The following FANCA variants were observed in gnomAD, a reference collection of about 807,000 sequenced individuals.
FANCA encodes Fanconi anemia group A protein.
A neutral mutation model predicts 194.3 loss-of-function variants in FANCA; 236 were observed. The observed-to-expected ratio is 1.21, with a 90% CI of 1.09 to 1.35. FANCA has a LOEUF of 1.35. FANCA is among the 40% of genes most tolerant of loss of function. The pLI, the probability that FANCA is intolerant of heterozygous loss-of-function variation, is 0.00. For synonymous variants in FANCA, 1,014 were observed against 715.8 expected (o/e 1.42, Z -6.65); for missense variants, 2,628 against 1,813.9 (o/e 1.45, Z -8.15).
At position 89,788,112 on chromosome 16, in the gene FANCA, A is replaced by G. The variant is rs114499269; in HGVS notation, c.1360-3148T>C. ...GGTCTTGAACTACTGGGCTCAAGCA[A>G]TCGGCCCACCTCGTCCTCCCACAGT... On this transcript the variant is annotated intron_variant, in intron 14 of 42. Coordinates refer to ENST00000389301, the MANE Select transcript of FANCA (RefSeq NM_000135.4). 6.8e-3 allele frequency among the ~76,000 whole-genome samples: 1,041 copies of G among 152,172 alleles called. 12 individuals carry two copies. Among genetic ancestry groups the G allele is most frequent in the African/African-American group, 0.024 (999 of 41,524 alleles).
chr16:89,788,692 C>G (rs62052711), intron 14 of FANCA, among the ~76,000 whole-genome samples: 1 of 151,950 alleles, frequency 6.6e-6, no homozygotes, highest in African/African-American at 2.4e-5. Flanking sequence ...CCCAGTTACT[C>G]TGGAAGCGGA....
chr16:89,773,456 A>G, intron 21 of FANCA, 72 bp from the exon 22 acceptor site: 1 of 1,089,014 alleles, frequency 9.2e-7, no homozygotes, highest in East Asian at 2.6e-5. Context: ...TAGAAACTTC[A>G]CACAGTCAAA....
At position 89,791,447 on chromosome 16, in the gene FANCA, G is replaced by T. The variant is rs1307948857; in HGVS notation, c.1315C>A (p.Leu439Met). The stretch of plus-strand genomic sequence containing the variant: ...GACAGGAACGCAGAGGGGCCCTCCA[G>T]TGCTGCCTGGCGCACAACCAGGAAC... ...TAFLVVRQAA[L>M]EGPSAFLSYA... The change falls in exon 14 of 43, where the codon CTG becomes ATG. Residue 439 changes from leucine to methionine, a missense_variant. By Grantham distance (15) the Leu-to-Met change is conservative. Coordinates refer to ENST00000389301, the MANE Select transcript of FANCA (RefSeq NM_000135.4). The T allele has an allele frequency of 6.2e-7, 1 of 1,614,154 alleles. No individual in the cohort carries two copies. The highest frequency in any genetic ancestry group is 1.7e-5 in the Admixed American group (1 of 60,016).
At chr16:89,782,326 A>G (rs1292176154) in intron 17 of FANCA, among the ~76,000 whole-genome samples, 1 of 151,744 alleles carries the variant, frequency 6.6e-6, no homozygotes, top group Non-Finnish European at 1.5e-5. Context: ...TCTGGCTAAC[A>G]TGGCGAAACC....
At chr16:89,780,504 G>A (rs976326423) in intron 17 of FANCA, among the ~76,000 whole-genome samples, 1 of 151,898 alleles carries the variant, frequency 6.6e-6, no homozygotes, top group African/African-American at 2.4e-5. Context: ...TGAGCCAGTG[G>A]TCCCAGCTAC....
At chr16:89,815,825 CA>C in intron 2 of FANCA, 51 bp downstream of exon 2, 2 of 1,432,954 alleles carry the variant, frequency 1.4e-6, no homozygotes, top group Non-Finnish European at 2.0e-6. Context: ...TGGCTGGACT[CA>C]AAAACCCCGA....
rs558320179 is a variant in FANCA at position 89,792,447 on chromosome 16, A to G, written c.1083+24T>C. 38 of 1,609,346 alleles carry G rather than the reference A, an allele frequency of 2.4e-5. No individual in the cohort carries two copies. In the East Asian group the frequency reaches 8.0e-4, roughly 34 times the overall value. On this transcript the variant is annotated intron_variant, in intron 12 of 42. Coordinates refer to ENST00000389301, the MANE Select transcript of FANCA (RefSeq NM_000135.4). ...ATCCCCCCGCCACGAGCTCAGAAGCAGGTATAATACCACATCCACTCACCC... is the reference window on the plus strand; with the variant it reads ...ATCCCCCCGCCACGAGCTCAGAAGCGGGTATAATACCACATCCACTCACCC...
At chr16:89,739,935 C>T (rs11647746) in intron 39 of FANCA, 59 bp downstream of exon 39, 4 of 1,605,616 alleles carry the variant, frequency 2.5e-6, no homozygotes, top group Non-Finnish European at 3.4e-6. Flanking sequence ...TAACCATTTG[C>T]AAGATGCCTC....
Position 89,739,548 on chromosome 16 carries a change from T to C in FANCA, c.3940A>G (p.Arg1314Gly). 6.4e-7 allele frequency: 1 copy of C among 1,551,228 alleles called. No homozygotes were observed. Among genetic ancestry groups the C allele is most frequent in the Non-Finnish European group, 8.7e-7 (1 of 1,147,000 alleles). ...ALFQLTESDLRLGRLLLRVAP... is the reference protein window; with the variant it reads ...ALFQLTESDLGLGRLLLRVAP... The stretch of plus-strand genomic sequence containing the variant: ...ACACGGAGGAGGAGCCGCCCCAGCC[T>C]GAGGTCTGCAACACCAAGAAGTGGC... The change falls in exon 40 of 43, where the codon AGG becomes GGG. Residue 1314 changes from arginine to glycine, a missense_variant. Coordinates refer to ENST00000389301, the MANE Select transcript of FANCA (RefSeq NM_000135.4).
intron 28 of FANCA, among the ~76,000 whole-genome samples, chr16:89,762,413 G>A (rs889708315): frequency 1.5e-4 from 22 of 147,986 alleles, no homozygotes; most frequent in African/African-American, 5.3e-4. Flanking sequence ...AGGCAACATG[G>A]TGACACCCCG....
chr16:89,815,874 T>G lies in FANCA; in HGVS notation c.189+3A>C. On this transcript the variant is annotated splice_donor_region_variant and intron_variant, in intron 2 of 42. Coordinates refer to ENST00000389301, the MANE Select transcript of FANCA (RefSeq NM_000135.4). ...CCGCAGACGGACACCAGCTTCCTCT[T>G]ACCTCAAGCAAAAGGGCATTCAGGT... The G allele has an allele frequency of 6.2e-7, 1 of 1,608,422 alleles. No homozygotes were observed. The highest frequency in any genetic ancestry group is 8.5e-7 in the Non-Finnish European group (1 of 1,174,810).
chr16:89,759,371 G>C lies in FANCA; in HGVS notation c.2853-666C>G, dbSNP rs559592887. Among the ~76,000 whole-genome samples, 3 of 142,178 alleles carry C rather than the reference G, an allele frequency of 2.1e-5. No individual in the cohort carries two copies. The South Asian group carries it at 6.7e-4, about 32-fold the overall frequency. The allele number at this position is 142,178 out of a possible 152,430, so 93.3% of individuals were successfully genotyped here. ...AAAAGTAGCCTGGAAAGTCACCTGA[G>C]GGCACCTGAGCTACTCACAGGCCCA... On this transcript the variant is annotated intron_variant, in intron 29 of 42. Coordinates refer to ENST00000389301, the MANE Select transcript of FANCA (RefSeq NM_000135.4).
Position 89,757,101 on chromosome 16 carries a change from G to A in FANCA, c.2981+1476C>T, listed in dbSNP as rs185525869. On this transcript the variant is annotated intron_variant, in intron 30 of 42. Transcript: ENST00000389301. ...TCATGCAATCCCACCTCAGCCTCAC[G>A]AGTAGCTGGGACCATAGGCACACAC... is the stretch of plus-strand genomic sequence containing the variant. 2.6e-3 allele frequency among the ~76,000 whole-genome samples: 396 copies of A among 152,144 alleles called. 2 individuals carry two copies. Among genetic ancestry groups the A allele is most frequent in the Middle Eastern group, 6.8e-3 (2 of 294 alleles).
chr16:89,755,212 ATTTT>A (rs142867944), intron 30 of FANCA, among the ~76,000 whole-genome samples: 1 of 143,744 alleles, frequency 7.0e-6, no homozygotes, highest in African/African-American at 2.6e-5. Context: ...TCACACAACA[ATTTT>A]TTTTTTTTTT....
At chr16:89,740,474 A>G (rs973610903) in intron 38 of FANCA, 4 of 462,030 alleles carry the variant, frequency 8.7e-6, no homozygotes, top group Non-Finnish European at 1.6e-5. Context: ...GTCTCTACTA[A>G]AAATACAAAA....
At chr16:89,744,878 C>G in intron 36 of FANCA, 81 bp downstream of exon 36, 3 of 1,304,176 alleles carry the variant, frequency 2.3e-6, no homozygotes, top group Non-Finnish European at 3.3e-6. Flanking sequence ...CTCAAGCAAG[C>G]CAGGGTGTTT....
chr16:89,813,357 G>A (rs912159843), intron 3 of FANCA, among the ~76,000 whole-genome samples: 1 of 150,938 alleles, frequency 6.6e-6, no homozygotes, highest in African/African-American at 2.4e-5. Context: ...GCAGTGAGCC[G>A]TGATTGCACC....
In FANCA at chr16:89,791,014, TGTGTGTGTG is replaced by T. The variant is rs1396692176; in HGVS notation, c.1359+380_1359+388del. The T allele has an allele frequency of 4.9e-5, 13 of 263,916 alleles. 1 individual carries two copies. The allele number at this position is 263,916 out of a possible 1,614,324, so 16.3% of individuals were successfully genotyped here. A position where few individuals can be genotyped will look rare whatever the true frequency, so the allele number is the denominator to read the frequency against. On this transcript the variant is annotated intron_variant, in intron 14 of 42. Transcript: ENST00000389301. Reference sequence around the variant, plus strand: ...CTGCGTAGTTTTTGTTTTGTGTGTGTGTGTGTGTGTTTTTTTTTTTTTTTTTTTTTTTTT... The same window carrying T: ...CTGCGTAGTTTTTGTTTTGTGTGTGTTTTTTTTTTTTTTTTTTTTTTTTTT...
intron 23 of FANCA, among the ~76,000 whole-genome samples, chr16:89,771,337 T>C (rs1000072213): frequency 5.3e-5 from 8 of 151,652 alleles, no homozygotes; most frequent in African/African-American, 1.9e-4. Context: ...TGCACGCCTG[T>C]AGTCCCAGCT....
Sources: allele counts gnomAD v4.1 joint callset (sites outside exome capture counted in the v4.1 genomes callset), GRCh38; gene constraint gnomAD v4.1.1; transcripts MANE v1.5; gene names NCBI Gene and HGNC (gene_info 2026-07-23, HGNC 2026-07-21).